The following FHIP2B variants were observed in gnomAD, a reference collection of about 807,000 sequenced individuals.
FHIP2B encodes the protein FHF complex subunit HOOK interacting protein 2B.
FHIP2B carries 72 observed loss-of-function variants against 84.0 expected under a neutral mutation model. The ratio of observed to expected loss-of-function variants is 0.86; its 90% confidence interval spans 0.71 to 1.04. The LOEUF is 1.04. FHIP2B is among the 50% of genes least tolerant of loss of function. The pLI is 0.00. For synonymous variants in FHIP2B, 497 were observed against 418.7 expected (o/e 1.19, Z -2.28); for missense variants, 972 against 968.9 (o/e 1.00, Z -0.04).
At position 22,101,718 on chromosome 8, in the gene FHIP2B, G is replaced by A; in HGVS notation, c.1718G>A (p.Cys573Tyr). The change falls in exon 14 of 17, where the codon TGC (cysteine) becomes TAC (tyrosine). Residue 573 changes from cysteine to tyrosine, a missense_variant. Cys to Tyr is a radical substitution (Grantham distance 194). Transcript: ENST00000289921. ...TCCCGCCTGTCTCAGTTCCAGGAGT[G>A]CAGCTCCCGCGTCGCCTCCTGGGGC... ...VHDAYGLFQE[C>Y]SSRVASWGWP... 3.1e-6 allele frequency: 5 copies of A among 1,611,456 alleles called. No homozygotes were observed. The highest frequency in any genetic ancestry group is 4.2e-6 in the Non-Finnish European group (5 of 1,178,756).
At position 22,099,320 on chromosome 8, in the gene FHIP2B, A is replaced by C. The variant is rs768043869; in HGVS notation, c.1111A>C (p.Asn371His). 6.2e-7 allele frequency: 1 copy of C among 1,613,760 alleles called. No homozygotes were observed. Reference sequence around the variant, plus strand: ...CGCCTTGGCGAAGGCTGTGGCTGAGAACTTCTTCGTGGAGACCCTGCAGCC... The same window carrying C: ...CGCCTTGGCGAAGGCTGTGGCTGAGCACTTCTTCGTGGAGACCCTGCAGCC... ...ADALAKAVAENFFVETLQPQL... is the reference protein window; with the variant it reads ...ADALAKAVAEHFFVETLQPQL... Residue 371 changes from asparagine (N) to histidine (H), a missense_variant, in exon 9 of 17, where the codon AAC becomes CAC. Asn to His is a moderately conservative substitution (Grantham distance 68). Coordinates refer to ENST00000289921, the MANE Select transcript of FHIP2B (RefSeq NM_022749.7).
At chr8:22,100,820 C>T (rs763536113) in intron 11 of FHIP2B, 24 bp from the exon 12 acceptor site, 5 of 1,613,766 alleles carry the variant, frequency 3.1e-6, no homozygotes, top group Admixed American at 3.3e-5. Context: ...TCACTGGTGC[C>T]GTACTGCTCT....
chr8:22,102,357 G>C (rs780373209), intron 15 of FHIP2B, 42 bp downstream of exon 15: 2 of 1,604,458 alleles, frequency 1.2e-6, no homozygotes, highest in Middle Eastern at 1.7e-4. Context: ...TAGTGAGGTG[G>C]AGGGGACATC....
chr8:22,103,269 G>T lies in FHIP2B; in HGVS notation c.*338G>T. On this transcript the variant is annotated 3_prime_UTR_variant, in exon 17 of 17. Transcript: ENST00000289921. ...CATTTGTGGCCAGGGCCAAGCCTGT[G>T]ACTCAACTCCAGGGGCAAGATGGGG... 1 of 258,622 alleles carries T rather than the reference G, an allele frequency of 3.9e-6. No homozygotes were observed. Among genetic ancestry groups the T allele is most frequent in the Non-Finnish European group, 7.4e-6 (1 of 134,636 alleles). The allele number at this position is 258,622 out of a possible 1,614,324, so 16.0% of individuals were successfully genotyped here.
chr8:22,098,943 T>C lies in FHIP2B; in HGVS notation c.966-5T>C, dbSNP rs1825946992. 1 of 1,597,656 alleles carries C rather than the reference T, an allele frequency of 6.3e-7. No individual in the cohort carries two copies. Among genetic ancestry groups the C allele is most frequent in the African/African-American group, 1.3e-5 (1 of 74,700 alleles). ...CTCTGAGACTTCACTCCCCTCTTCC[T>C]TCAGGTTACCCAGTGCCCCGTCTGA... On this transcript the variant is annotated splice_polypyrimidine_tract_variant and splice_region_variant and intron_variant, in intron 7 of 16. Transcript: ENST00000289921.
chr8:22,101,789 C>T lies in FHIP2B; in HGVS notation c.1789C>T (p.Pro597Ser), dbSNP rs766378505. Residue 597 changes from proline (P) to serine (S), a missense_variant, in exon 14 of 17, where the codon CCT becomes TCT. Pro to Ser is a moderately conservative substitution (Grantham distance 74, BLOSUM62 -1). Coordinates refer to ENST00000289921, the MANE Select transcript of FHIP2B (RefSeq NM_022749.7). ...TTTGGACCCCCATGAGCCCGAGCGA[C>T]CTTTCTTCGAGGGCCACTTCCTCCG... ...TPLDPHEPER[P>S]FFEGHFLRVL... 6 of 1,613,624 alleles carry T rather than the reference C, an allele frequency of 3.7e-6. No homozygotes were observed. Among genetic ancestry groups the T allele is most frequent in the Non-Finnish European group, 4.2e-6 (5 of 1,179,820 alleles).
chr8:22,101,148 G>T lies in FHIP2B; in HGVS notation c.1616+176G>T, dbSNP rs769793607. On this transcript the variant is annotated intron_variant, in intron 12 of 16. Coordinates refer to ENST00000289921, the MANE Select transcript of FHIP2B (RefSeq NM_022749.7). ...AGCGATTCCTGTGCCTCAGCCTCCC[G>T]AGTACCTGGGATTACAGACATGCAC... The T allele has an allele frequency of 7.7e-6, 6 of 776,476 alleles. No individual in the cohort carries two copies. The African/African-American group carries it at 8.8e-5, about 11-fold the overall frequency. The allele number at this position is 776,476 out of a possible 1,614,324, so 48.1% of individuals were successfully genotyped here. A position where few individuals can be genotyped will look rare whatever the true frequency, so the allele number is the denominator to read the frequency against.
chr8:22,092,599 A>G (rs1445663106), intron 1 of FHIP2B, among the ~76,000 whole-genome samples: 1 of 140,900 alleles, frequency 7.1e-6, no homozygotes, highest in African/African-American at 2.6e-5. Context: ...GTCTCAGAAG[A>G]AAAAAAAAAA....
chr8:22,102,523 T>C lies in FHIP2B; in HGVS notation c.1993-5T>C, dbSNP rs1392372527. ...CATCTGAGTCCCCTGTGATTCCCGC[T>C]GTAGGTGATCGGGGACTTGATGCAG... On this transcript the variant is annotated splice_region_variant and splice_polypyrimidine_tract_variant and intron_variant, in intron 15 of 16. Coordinates refer to ENST00000289921, the MANE Select transcript of FHIP2B (RefSeq NM_022749.7). 17 of 1,555,342 alleles carry C rather than the reference T, an allele frequency of 1.1e-5. No homozygotes were observed. The highest frequency in any genetic ancestry group is 1.5e-5 in the Non-Finnish European group (17 of 1,149,722).
At chr8:22,100,310 G>A (rs568610683) in intron 10 of FHIP2B, 5 of 406,852 alleles carry the variant, frequency 1.2e-5, no homozygotes, top group Non-Finnish European at 1.7e-5. Context: ...TGAGGTAGGC[G>A]AGGTTGATAC....
At position 22,099,628 on chromosome 8, in the gene FHIP2B, C is replaced by G. The variant is rs552233996; in HGVS notation, c.1152-76C>G. The G allele has an allele frequency of 1.5e-5, 22 of 1,454,030 alleles. No homozygotes were observed. The Admixed American group carries it at 2.1e-4, about 14-fold the overall frequency. The allele number at this position is 1,454,030 out of a possible 1,614,324, so 90.1% of individuals were successfully genotyped here. ...ATACCAGCCAAACATGCGAGGCAAG[C>G]AGGAAGGGTTCGGCCACCCGCACTC... On this transcript the variant is annotated intron_variant, in intron 9 of 16. Transcript: ENST00000289921.
chr8:22,100,926 G>T lies in FHIP2B; in HGVS notation c.1570G>T (p.Ala524Ser). The change falls in exon 12 of 17, where the codon GCT becomes TCT. Residue 524 changes from alanine to serine, a missense_variant. Coordinates refer to ENST00000289921, the MANE Select transcript of FHIP2B (RefSeq NM_022749.7). ...QTPAKPRLAPATSYDGKTAVT... is the reference protein window; with the variant it reads ...QTPAKPRLAPSTSYDGKTAVT... ...TCCCGCAAAGCCTCGCCTAGCTCCT[G>T]CTACCAGTTACGATGGCAAAACAGC... The T allele has an allele frequency of 2.5e-6, 4 of 1,613,962 alleles. No homozygotes were observed. Among genetic ancestry groups the T allele is most frequent in the Non-Finnish European group, 3.4e-6 (4 of 1,179,910 alleles).
rs867694047 is a variant in FHIP2B, at chr8:22,103,133, T to A, written c.*202T>A. 1.5e-6 allele frequency: 1 copy of A among 682,984 alleles called. No individual in the cohort carries two copies. The highest frequency in any genetic ancestry group is 2.5e-4 in the Middle Eastern group (1 of 4,026). The allele number at this position is 682,984 out of a possible 1,614,324, so 42.3% of individuals were successfully genotyped here. On this transcript the variant is annotated 3_prime_UTR_variant, in exon 17 of 17. Coordinates refer to ENST00000289921, the MANE Select transcript of FHIP2B (RefSeq NM_022749.7). ...TGCCAAGGAGCCAAACAGATGGCTTTCCAGGCAGCAAGGTCCTTGGGGCCT... is the reference window on the plus strand; with the variant it reads ...TGCCAAGGAGCCAAACAGATGGCTTACCAGGCAGCAAGGTCCTTGGGGCCT...
chr8:22,091,177 A>C (rs1825471405), intron 1 of FHIP2B, among the ~76,000 whole-genome samples: 1 of 150,402 alleles, frequency 6.6e-6, no homozygotes, highest in Non-Finnish European at 1.5e-5. Flanking sequence ...CTGATTACTC[A>C]TTGAGTAGGA....
chr8:22,103,555 C>G lies in FHIP2B; in HGVS notation c.*624C>G, dbSNP rs115250794. Reference sequence around the variant, plus strand: ...GCCCAAAGCATGTTCCGCACCCAGGCGGGGGCCCCTGCTAATGAGAACCTT... The same window carrying G: ...GCCCAAAGCATGTTCCGCACCCAGGGGGGGGCCCCTGCTAATGAGAACCTT... On this transcript the variant is annotated 3_prime_UTR_variant, in exon 17 of 17. Coordinates refer to ENST00000289921, the MANE Select transcript of FHIP2B (RefSeq NM_022749.7). The G allele has an allele frequency of 6.6e-6, 1 of 152,532 alleles. No individual in the cohort carries two copies. Among genetic ancestry groups the G allele is most frequent in the Admixed American group, 6.5e-5 (1 of 15,308 alleles). The allele number at this position is 152,532 out of a possible 1,614,324, so 9.4% of individuals were successfully genotyped here.
At chr8:22,094,738 G>C in intron 2 of FHIP2B, 1 of 1,351,872 alleles carries the variant, frequency 7.4e-7, no homozygotes. Context: ...CTGACCTTTT[G>C]GAAAGAGGCT....
At chr8:22,100,312 G>C in intron 10 of FHIP2B, 1 of 411,274 alleles carries the variant, frequency 2.4e-6, no homozygotes. Context: ...AGGTAGGCGA[G>C]GTTGATACTC....
intron 11 of FHIP2B, 49 bp from the exon 12 acceptor site, chr8:22,100,795 A>G: frequency 6.2e-7 from 1 of 1,612,608 alleles, no homozygotes; most frequent in Non-Finnish European, 8.5e-7. Context: ...TCGCACGCTC[A>G]CTCTGTCCAT....
intron 2 of FHIP2B, chr8:22,094,798 A>G: frequency 8.0e-7 from 1 of 1,249,314 alleles, no homozygotes. Context: ...CTGACTCTGC[A>G]AGGAAGAGGT....
Sources: gnomAD v4.1 joint callset for allele counts (sites outside exome capture counted in the v4.1 genomes callset) on GRCh38, gnomAD v4.1.1 for gene constraint, MANE v1.5 for transcripts, NCBI Gene and HGNC (gene_info 2026-07-23, HGNC 2026-07-21) for gene names.